Variants in RNLS observed in about 807,000 individuals in gnomAD.
RNLS encodes the protein renalase.
In RNLS, 39 loss-of-function variants were observed where a neutral mutation model predicts 39.8. The observed-to-expected ratio is 0.98, with a 90% CI of 0.76 to 1.28. RNLS has a LOEUF of 1.28. RNLS is among the 50% of genes most tolerant of loss of function. The pLI is 0.00. For synonymous variants in RNLS, 147 were observed against 150.7 expected (o/e 0.98, Z 0.18); for missense variants, 410 against 413.3 (o/e 0.99, Z 0.07).
chr10:88,273,000 T>C (rs1285436406), downstream of RNLS, among the ~76,000 whole-genome samples: 1 of 152,038 alleles, frequency 6.6e-6, no homozygotes, highest in African/African-American at 2.4e-5. Flanking sequence ...CTCCCTCGGG[T>C]GATGCTGTGG....
downstream of RNLS, among the ~76,000 whole-genome samples, chr10:88,271,275 G>A (rs1245545398): frequency 6.6e-6 from 1 of 152,178 alleles, no homozygotes; most frequent in Admixed American, 6.5e-5. Context: ...ATTTCTGGGG[G>A]TTTACCAGTG....
intron 4 of RNLS, among the ~76,000 whole-genome samples, chr10:88,490,954 T>C (rs543128238): frequency 6.6e-6 from 1 of 152,312 alleles, no homozygotes; most frequent in South Asian, 2.1e-4. Context: ...GTTACAAGTC[T>C]ATGTTTATCT....
intron 5 of RNLS, among the ~76,000 whole-genome samples, chr10:88,320,310 A>C (rs1050726474): frequency 6.6e-5 from 10 of 152,008 alleles, no homozygotes; most frequent in African/African-American, 2.4e-4. Flanking sequence ...TAAACATGAA[A>C]ACAAAAGAAC....
intron 4 of RNLS, among the ~76,000 whole-genome samples, chr10:88,568,309 G>A (rs1273219349): frequency 6.6e-6 from 1 of 152,068 alleles, no homozygotes; most frequent in East Asian, 1.9e-4. Context: ...CTGGGGGCAG[G>A]GATGGGGATG....
chr10:88,406,595 CA>C (rs1853288364), intron 4 of RNLS, among the ~76,000 whole-genome samples: 1 of 151,994 alleles, frequency 6.6e-6, no homozygotes, highest in African/African-American at 2.4e-5. Flanking sequence ...AACACTTCTA[CA>C]CTGCTGGAGG....
rs1589645024 is a variant in RNLS, at chr10:88,359,686, T to C, written c.700+2866A>G. 2.0e-5 allele frequency among the ~76,000 whole-genome samples: 3 copies of C among 152,248 alleles called. No individual in the cohort carries two copies. In the East Asian group the frequency reaches 5.8e-4, roughly 29 times the overall value. On this transcript the variant is annotated intron_variant, in intron 5 of 6. Coordinates refer to ENST00000331772, the MANE Select transcript of RNLS (RefSeq NM_001031709.3). ...TTTCAATATTGTATGATTGCTGATA[T>C]AAAAAATTTTTAAAATTCTATTATT... is the stretch of plus-strand genomic sequence containing the variant.
the RNLS span, among the ~76,000 whole-genome samples, chr10:88,213,902 A>C: frequency 6.6e-6 from 1 of 152,194 alleles, no homozygotes; most frequent in African/African-American, 2.4e-5. Flanking sequence ...TCATTAGGTC[A>C]CTTTAATTTG....
At chr10:88,570,001 A>T (rs1849731015) in intron 4 of RNLS, among the ~76,000 whole-genome samples, 1 of 152,204 alleles carries the variant, frequency 6.6e-6, no homozygotes, top group Non-Finnish European at 1.5e-5. Flanking sequence ...TTACCAGTGA[A>T]TTCTTCTAAA....
At chr10:88,338,408 A>G (rs1048777981) in intron 5 of RNLS, among the ~76,000 whole-genome samples, 2 of 152,228 alleles carry the variant, frequency 1.3e-5, no homozygotes, top group Non-Finnish European at 2.9e-5. Context: ...CTCTGCTACT[A>G]TCTAACGGTT....
intron 4 of RNLS, among the ~76,000 whole-genome samples, chr10:88,397,635 C>T (rs1334361584): frequency 6.6e-6 from 1 of 151,582 alleles, no homozygotes; most frequent in Non-Finnish European, 1.5e-5. Context: ...TACAGATAAA[C>T]AAAATAGAGA....
At chr10:88,469,891 C>T (rs1337307370) in intron 4 of RNLS, among the ~76,000 whole-genome samples, 1 of 143,656 alleles carries the variant, frequency 7.0e-6, no homozygotes, top group Non-Finnish European at 1.5e-5. Flanking sequence ...TTTCTTACAC[C>T]TAAAGTTATG....
intron 6 of RNLS, among the ~76,000 whole-genome samples, chr10:88,302,141 T>C (rs1171851675): frequency 6.6e-6 from 1 of 152,206 alleles, no homozygotes; most frequent in Non-Finnish European, 1.5e-5. Flanking sequence ...CCTTGAGACA[T>C]AGAGTTATGG....
At chr10:88,369,327 C>T (rs913911889) in intron 4 of RNLS, among the ~76,000 whole-genome samples, 1 of 152,272 alleles carries the variant, frequency 6.6e-6, no homozygotes, top group Middle Eastern at 3.4e-3. Context: ...GGGAGACTGG[C>T]CCCTTTATGG....
intron 5 of RNLS, among the ~76,000 whole-genome samples, chr10:88,334,860 T>C (rs550905814): frequency 2.6e-5 from 4 of 152,172 alleles, no homozygotes; most frequent in Non-Finnish European, 5.9e-5. Flanking sequence ...AAGCAATTTT[T>C]CCTCTGTAGT....
the RNLS span, among the ~76,000 whole-genome samples, chr10:88,224,985 C>G: frequency 6.6e-6 from 1 of 152,196 alleles, no homozygotes; most frequent in Non-Finnish European, 1.5e-5. Flanking sequence ...TGATAGGTAT[C>G]TTACTGGAAA....
chr10:88,203,454 GTGTATATATATATATATATATA>G, the RNLS span, among the ~76,000 whole-genome samples: 2 of 836 alleles, frequency 2.4e-3, 1 homozygote. Flanking sequence ...GTGTGTGTGT[GTGTATATATATATATATATATA>G]TATATATATA....
chr10:88,431,982 G>T (rs1436074722), intron 4 of RNLS, among the ~76,000 whole-genome samples: 2 of 151,712 alleles, frequency 1.3e-5, no homozygotes, highest in Non-Finnish European at 3.0e-5. Context: ...GGGTCAAGTT[G>T]ATTGATAGTG....
At chr10:88,333,718 G>A (rs998969416) in intron 5 of RNLS, among the ~76,000 whole-genome samples, 1 of 152,102 alleles carries the variant, frequency 6.6e-6, no homozygotes, top group Admixed American at 6.5e-5. Flanking sequence ...CCCAAAACTC[G>A]TATGTGAAAT....
intron 6 of RNLS, among the ~76,000 whole-genome samples, chr10:88,278,101 G>A (rs1463092634): frequency 2.0e-5 from 3 of 152,124 alleles, no homozygotes; most frequent in African/African-American, 7.2e-5. Context: ...ATAATGAATG[G>A]GTTTCCTGCT....
Sources: allele counts gnomAD v4.1 joint callset (sites outside exome capture counted in the v4.1 genomes callset), GRCh38; gene constraint gnomAD v4.1.1; transcripts MANE v1.5; gene names NCBI Gene and HGNC (gene_info 2026-07-23, HGNC 2026-07-21).